Variants in SAMD4B observed in about 807,000 individuals in gnomAD.
SAMD4B encodes sterile alpha motif domain containing 4B.
A neutral mutation model predicts 74.5 loss-of-function variants in SAMD4B; 5 were observed. The ratio of observed to expected loss-of-function variants is 0.07; its 90% CI spans 0.04 to 0.14. The LOEUF is 0.14. Ranked by LOEUF, SAMD4B falls within the 10% of genes least tolerant of loss-of-function variation. The pLI is 1.00. For synonymous variants in SAMD4B, 373 were observed against 374.9 expected (o/e 1.00, Z 0.06); for missense variants, 608 against 921.8 (o/e 0.66, Z 4.41).
intron 1 of SAMD4B, among the ~76,000 whole-genome samples, chr19:39,343,843 C>G (rs376036444): frequency 6.6e-6 from 1 of 151,918 alleles, no homozygotes; most frequent in Non-Finnish European, 1.5e-5. Context: ...TCTCAGATCC[C>G]GTAGAACTCC....
At chr19:39,364,846 A>G (rs2076861466) in intron 3 of SAMD4B, among the ~76,000 whole-genome samples, 1 of 152,200 alleles carries the variant, frequency 6.6e-6, no homozygotes, top group African/African-American at 2.4e-5. Context: ...AGACAAGGGA[A>G]TGAGGTTTCC....
downstream of SAMD4B, among the ~76,000 whole-genome samples, chr19:39,388,099 C>T (rs923382889): frequency 1.3e-5 from 2 of 152,206 alleles, no homozygotes; most frequent in African/African-American, 4.8e-5. Context: ...TGAGATCACA[C>T]CACTGCACTC....
At chr19:39,389,999 C>G (rs544914739), downstream of SAMD4B, 110 of 1,294,162 alleles carry the variant, frequency 8.5e-5, 2 homozygotes, top group South Asian at 1.2e-3. This position sits in a 1 kb window ranked among gnomAD's most constrained non-coding sequence, Gnocchi z 5.3. Flanking sequence ...CAGACAGCAG[C>G]CAACGAGACA....
intron 4 of SAMD4B, among the ~76,000 whole-genome samples, chr19:39,374,147 C>G (rs568205234): frequency 2.9e-4 from 43 of 147,550 alleles, no homozygotes; most frequent in African/African-American, 1.1e-3. Flanking sequence ...GTTGGCCACC[C>G]GTAGTCCCAG....
chr19:39,371,457 C>T (rs1365391285), intron 4 of SAMD4B, among the ~76,000 whole-genome samples: 2 of 152,146 alleles, frequency 1.3e-5, no homozygotes, highest in African/African-American at 2.4e-5. Context: ...CCTCATTTTC[C>T]AGTCATGGAG....
rs370985863 is a variant in SAMD4B, at chr19:39,357,043, G to A, written c.150G>A (p.Ala50=). 1.7e-5 allele frequency: 28 copies of A among 1,613,440 alleles called. No homozygotes were observed. The highest frequency in any genetic ancestry group is 8.0e-5 in the African/African-American group (6 of 74,898). The stretch of plus-strand genomic sequence containing the variant: ...AGCTCTGCCTGGAGCACTCACTGGC[G>A]GACTGCAATGACATCCACCTGCTGG... ...FLQLCLEHSL[A]DCNDIHLLES... is the part of the protein sequence containing the mutation. The change falls in exon 3 of 14, where the codon GCG becomes GCA. Residue 50 remains alanine (A), a synonymous_variant. Coordinates refer to ENST00000610417, the MANE Select transcript of SAMD4B (RefSeq NM_001384574.2).
At chr19:39,344,976 A>T (rs961735593) in intron 1 of SAMD4B, among the ~76,000 whole-genome samples, 2 of 152,018 alleles carry the variant, frequency 1.3e-5, no homozygotes, top group African/African-American at 2.4e-5. Context: ...CCCTTCCCCT[A>T]TAGCAGTGGT....
In SAMD4B at chr19:39,377,693, C is replaced by G; in HGVS notation, c.1313C>G (p.Ala438Gly). Residue 438 changes from alanine (A) to glycine (G), a missense_variant, in exon 8 of 14, where the codon GCC becomes GGC. Physicochemically the swap from Ala to Gly is moderately conservative, Grantham distance 60. This residue lies in a region of SAMD4B where 99 missense variants were observed against 112.1 expected (regional missense o/e 0.88). Coordinates refer to ENST00000610417, the MANE Select transcript of SAMD4B (RefSeq NM_001384574.2). ...CCCGGCACAGACAAAGGCACCGAGG[C>G]CAAGGACCCTCCAGCTGTGGAGAAC... Reference protein sequence around the residue: ...AHPGTDKGTEAKDPPAVENYP... With the variant: ...AHPGTDKGTEGKDPPAVENYP... The G allele has an allele frequency of 1.2e-6, 2 of 1,614,234 alleles. No homozygotes were observed. Among genetic ancestry groups the G allele is most frequent in the Non-Finnish European group, 1.7e-6 (2 of 1,180,036 alleles).
chr19:39,371,081 G>A (rs2077265898), intron 4 of SAMD4B, among the ~76,000 whole-genome samples: 1 of 152,232 alleles, frequency 6.6e-6, no homozygotes, highest in African/African-American at 2.4e-5. Flanking sequence ...GAAATGCACA[G>A]GATAAGGGAG....
chr19:39,369,312 A>G (rs1300019472), intron 3 of SAMD4B: 1 of 313,876 alleles, frequency 3.2e-6, no homozygotes, highest in Non-Finnish European at 6.0e-6. Flanking sequence ...GGGGACCACC[A>G]GGTTGCCTAA....
At chr19:39,382,149 G>A (rs773457008) in intron 12 of SAMD4B, among the ~76,000 whole-genome samples, 2 of 152,210 alleles carry the variant, frequency 1.3e-5, no homozygotes, top group Non-Finnish European at 2.9e-5. Context: ...AGTCTTACTT[G>A]ATGAGGTTGT....
chr19:39,372,622 G>A (rs1018890143), intron 4 of SAMD4B, among the ~76,000 whole-genome samples: 4 of 152,146 alleles, frequency 2.6e-5, no homozygotes, highest in Non-Finnish European at 4.4e-5. Context: ...ATCTCTGGCC[G>A]GCATTCTTGT....
At chr19:39,359,741 C>G (rs187828341) in intron 3 of SAMD4B, among the ~76,000 whole-genome samples, 33 of 152,310 alleles carry the variant, frequency 2.2e-4, no homozygotes, top group African/African-American at 5.8e-4. Flanking sequence ...CTTCAGAGTT[C>G]TTTAGAGCTC....
intron 1 of SAMD4B, among the ~76,000 whole-genome samples, chr19:39,348,972 C>T (rs1568342473): frequency 6.6e-6 from 1 of 152,250 alleles, no homozygotes; most frequent in East Asian, 1.9e-4. Context: ...TTTCTGTCTT[C>T]CTTCTCAGTA....
At position 39,383,144 on chromosome 19, in the gene SAMD4B, C is replaced by T; in HGVS notation, c.1973-64C>T. The T allele has an allele frequency of 1.5e-6, 2 of 1,300,424 alleles. No individual in the cohort carries two copies. The highest frequency in any genetic ancestry group is 2.2e-6 in the Non-Finnish European group (2 of 893,688). The allele number at this position is 1,300,424 out of a possible 1,614,324, so 80.6% of individuals were successfully genotyped here. On this transcript the variant is annotated intron_variant, in intron 12 of 13. Coordinates refer to ENST00000610417, the MANE Select transcript of SAMD4B (RefSeq NM_001384574.2). The surrounding 1 kb of genome is among the most constrained non-coding windows in gnomAD (Gnocchi z 4.1). Reference sequence around the variant, plus strand: ...TTCCCATACCAGCATCCTTTGTCATCCCAGCTGTCTTCACCTGAGTCCAGT... The same window carrying T: ...TTCCCATACCAGCATCCTTTGTCATTCCAGCTGTCTTCACCTGAGTCCAGT...
At chr19:39,386,141 T>G (rs770220420), downstream of SAMD4B, 1 of 1,614,056 alleles carries the variant, frequency 6.2e-7, no homozygotes, top group Non-Finnish European at 8.5e-7. This position sits in a 1 kb window ranked among gnomAD's most constrained non-coding sequence, Gnocchi z 6.1. Flanking sequence ...TGCCGCTGTC[T>G]GAATCATTGT....
At chr19:39,389,402 T>G, downstream of SAMD4B, 1 of 1,613,240 alleles carries the variant, frequency 6.2e-7, no homozygotes, top group Non-Finnish European at 8.5e-7. This position sits in a 1 kb window ranked among gnomAD's most constrained non-coding sequence, Gnocchi z 5.3. Flanking sequence ...GGAAATCAGG[T>G]ATCTCAGGAC....
At chr19:39,386,098 T>C, downstream of SAMD4B, 1 of 1,614,012 alleles carries the variant, frequency 6.2e-7, no homozygotes, top group Non-Finnish European at 8.5e-7. This position sits in a 1 kb window ranked among gnomAD's most constrained non-coding sequence, Gnocchi z 6.1. Flanking sequence ...GCGCTGCGGC[T>C]GTGGCTCCGG....
rs1280444654 is a variant in SAMD4B, at chr19:39,373,382, C to T, written c.668-2268C>T. On this transcript the variant is annotated intron_variant, in intron 4 of 13. Coordinates refer to ENST00000610417, the MANE Select transcript of SAMD4B (RefSeq NM_001384574.2). ...GGACTTCTGTGTGTCATGCCCTGTG[C>T]CTGATCATGGGATTGCAGAAGTAAT... Among the ~76,000 whole-genome samples, 4 of 152,128 alleles carry T rather than the reference C, an allele frequency of 2.6e-5. No individual in the cohort carries two copies. The East Asian group carries it at 7.7e-4, about 29-fold the overall frequency.
Sources: gnomAD v4.1 joint callset for allele counts (sites outside exome capture counted in the v4.1 genomes callset) on GRCh38, gnomAD v4.1.1 for gene constraint, gnomAD v4.1.1 regional missense constraint, Gnocchi (gnomAD v3.1) non-coding constraint, MANE v1.5 for transcripts, NCBI Gene and HGNC (gene_info 2026-07-23, HGNC 2026-07-21) for gene names.